PTPRD: variants seen among roughly 807,000 people sequenced by gnomAD.
PTPRD encodes the protein receptor-type tyrosine-protein phosphatase delta.
PTPRD carries 34 observed loss-of-function variants against 214.5 expected under a neutral mutation model. The ratio of observed to expected loss-of-function variants is 0.16; its 90% CI spans 0.12 to 0.21. The LOEUF is 0.21. Among genes scored for constraint, PTPRD ranks in the 10% least tolerant of loss-of-function variants. The pLI is 1.00. For missense variants in PTPRD, 2,545 were observed against 2,398.7 expected (o/e 1.06, Z -1.27); for synonymous variants, 1,128 against 845.7 (o/e 1.33, Z -5.79).
chr9:8,771,715 T>C (rs2095226529), intron 11 of PTPRD, among the ~76,000 whole-genome samples: 1 of 152,140 alleles, frequency 6.6e-6, no homozygotes, highest in Admixed American at 6.6e-5. Flanking sequence ...AAGAGAACAC[T>C]GTTTTCAAAT....
intron 11 of PTPRD, among the ~76,000 whole-genome samples, chr9:9,010,082 T>C (rs1462389549): frequency 6.6e-6 from 1 of 152,132 alleles, no homozygotes; most frequent in African/African-American, 2.4e-5. Flanking sequence ...TTGTGAATGG[T>C]TAGAAAATCA....
At chr9:8,500,583 A>AAAAAAAAG (rs2097378367) in intron 24 of PTPRD, among the ~76,000 whole-genome samples, 171 bp downstream of exon 24, 7 of 146,318 alleles carry the variant, frequency 4.8e-5, no homozygotes, top group African/African-American at 1.8e-4. Context: ...AAAAAAAAAA[A>AAAAAAAAG]AAAAAAAGGC....
chr9:10,490,893 T>G (rs2039982513), intron 2 of PTPRD, among the ~76,000 whole-genome samples: 1 of 152,222 alleles, frequency 6.6e-6, no homozygotes, highest in Non-Finnish European at 1.5e-5. Context: ...CTACTCCTAC[T>G]GTTTAAATTC....
intron 4 of PTPRD, among the ~76,000 whole-genome samples, chr9:9,939,485 T>C (rs987815973): frequency 6.6e-6 from 1 of 152,188 alleles, no homozygotes; most frequent in Non-Finnish European, 1.5e-5. Flanking sequence ...GATCCTGCAA[T>C]TTGGTGACCT....
At chr9:9,538,477 A>G (rs1321844705) in intron 8 of PTPRD, among the ~76,000 whole-genome samples, 2 of 151,916 alleles carry the variant, frequency 1.3e-5, no homozygotes, top group African/African-American at 4.8e-5. Flanking sequence ...GATTGGCTCT[A>G]CATCAAATCT....
intron 3 of PTPRD, among the ~76,000 whole-genome samples, chr9:10,107,319 G>C (rs2098643760): frequency 6.6e-6 from 1 of 152,022 alleles, no homozygotes. Flanking sequence ...GTGAGGAAGA[G>C]GAGGCGCCAA....
At chr9:9,282,993 C>G (rs893805112) in intron 9 of PTPRD, among the ~76,000 whole-genome samples, 3 of 151,484 alleles carry the variant, frequency 2.0e-5, no homozygotes, top group Non-Finnish European at 4.4e-5. Context: ...ACAATATCCA[C>G]TCTCATCTGA....
rs1457039800 is a variant in PTPRD, at chr9:9,937,714, C to T, written c.-368+793G>A. On this transcript the variant is annotated intron_variant, in intron 5 of 45. Coordinates refer to ENST00000381196, the MANE Select transcript of PTPRD (RefSeq NM_002839.4). ...TGATGAGTTTATCTTCTTTACTATT[C>T]TTTGAAACTGTGGAAGACAGATTGC... 9.2e-5 allele frequency among the ~76,000 whole-genome samples: 14 copies of T among 152,016 alleles called. 1 individual carries two copies. Among genetic ancestry groups the T allele is most frequent in the Admixed American group, 9.2e-4 (14 of 15,260 alleles).
chr9:10,416,456 A>T (rs2098489680), intron 2 of PTPRD, among the ~76,000 whole-genome samples: 1 of 151,926 alleles, frequency 6.6e-6, no homozygotes, highest in East Asian at 2.0e-4. Flanking sequence ...AAATAATTTG[A>T]AAGAAGTTGA....
chr9:8,753,869 G>C (rs191827034), intron 11 of PTPRD, among the ~76,000 whole-genome samples: 1 of 152,122 alleles, frequency 6.6e-6, no homozygotes, highest in Admixed American at 6.5e-5. Context: ...TGTAGGCCAG[G>C]CATGGTGGCT....
chr9:9,753,122 CT>C (rs1204701208), intron 6 of PTPRD, among the ~76,000 whole-genome samples: 3 of 152,036 alleles, frequency 2.0e-5, no homozygotes, highest in Admixed American at 6.6e-5. Context: ...AGTTTTTTCA[CT>C]TTGGTTTATT....
intron 3 of PTPRD, among the ~76,000 whole-genome samples, chr9:10,227,275 A>C (rs2099591995): frequency 6.6e-6 from 1 of 152,010 alleles, no homozygotes; most frequent in Non-Finnish European, 1.5e-5. Flanking sequence ...ATGGTATGGG[A>C]AGTCATGAAT....
At chr9:8,876,650 A>C (rs2098393955) in intron 11 of PTPRD, among the ~76,000 whole-genome samples, 1 of 152,230 alleles carries the variant, frequency 6.6e-6, no homozygotes. Flanking sequence ...TACTCTGATC[A>C]TTTAAATCTA....
intron 10 of PTPRD, among the ~76,000 whole-genome samples, chr9:9,071,211 T>C (rs2099743211): frequency 6.6e-6 from 1 of 152,254 alleles, no homozygotes; most frequent in South Asian, 2.1e-4. Flanking sequence ...CTTTCGCCTC[T>C]ACCCTGAACT....
intron 9 of PTPRD, among the ~76,000 whole-genome samples, chr9:9,292,325 G>A (rs945571057): frequency 1.3e-5 from 2 of 151,216 alleles, no homozygotes; most frequent in Admixed American, 6.6e-5. Context: ...TTTTGTTCAT[G>A]GCCAACTTTG....
In PTPRD at chr9:10,006,225, T is replaced by C. The variant is rs114900184; in HGVS notation, c.-472+27493A>G. 6.2e-3 allele frequency among the ~76,000 whole-genome samples: 938 copies of C among 152,168 alleles called. 8 individuals carry two copies. The highest frequency in any genetic ancestry group is 0.021 in the African/African-American group (872 of 41,542). On this transcript the variant is annotated intron_variant, in intron 4 of 45. Transcript: ENST00000381196. ...TAATCATTTTAATACATTGATGATT[T>C]ACATCAGTTCCCTGCTAGTTATAGG...
intron 9 of PTPRD, among the ~76,000 whole-genome samples, chr9:9,394,259 TA>T (rs1170384962): frequency 5.3e-5 from 8 of 152,146 alleles, no homozygotes; most frequent in African/African-American, 1.9e-4. Flanking sequence ...TGAGACCTTT[TA>T]AAAAATTCTG....
intron 9 of PTPRD, among the ~76,000 whole-genome samples, chr9:9,328,122 G>A (rs1417046546): frequency 2.6e-5 from 4 of 152,080 alleles, no homozygotes; most frequent in Non-Finnish European, 5.9e-5. Context: ...TTTAGATTAA[G>A]TAGATTTGAA....
At chr9:8,839,174 G>C (rs1251996227) in intron 11 of PTPRD, among the ~76,000 whole-genome samples, 2 of 151,968 alleles carry the variant, frequency 1.3e-5, no homozygotes, top group African/African-American at 4.8e-5. Flanking sequence ...ATTACTTCAA[G>C]CAAACATAAG....
Sources: gnomAD v4.1 joint callset for allele counts (sites outside exome capture counted in the v4.1 genomes callset) on GRCh38, gnomAD v4.1.1 for gene constraint, MANE v1.5 for transcripts, NCBI Gene and HGNC (gene_info 2026-07-23, HGNC 2026-07-21) for gene names.